The following MIB1 variants were observed in gnomAD, a reference collection of about 807,000 sequenced individuals.
MIB1 encodes MIB E3 ubiquitin protein ligase 1.
In MIB1, 278 loss-of-function variants were observed where a neutral mutation model predicts 124.5. That is an observed-to-expected ratio of 2.23 (90% CI 2.02 to 2.47). MIB1 has a LOEUF of 2.47. MIB1 is among the 30% of genes most tolerant of loss of function. The pLI, the probability that MIB1 is intolerant of heterozygous loss-of-function variation, is 0.00. For synonymous variants in MIB1, 446 were observed against 429.4 expected, an observed-to-expected ratio of 1.04 and a Z score of -0.48; for missense variants, 957 against 1,254.4, an observed-to-expected ratio of 0.76 and a Z score of 3.58.
chr18:21,780,369 A>G (rs770459822), intron 6 of MIB1, among the ~76,000 whole-genome samples: 2 of 152,036 alleles, frequency 1.3e-5, no homozygotes, highest in South Asian at 4.1e-4. Flanking sequence ...CGCATTTACC[A>G]TCTCACTCAT....
chr18:21,763,780 C>T (rs2041125803), intron 1 of MIB1, among the ~76,000 whole-genome samples: 1 of 152,130 alleles, frequency 6.6e-6, no homozygotes, highest in Admixed American at 6.5e-5. Flanking sequence ...AACCATTTCT[C>T]TCAATTTCTA....
chr18:21,713,520 G>A (rs2040674955), intron 1 of MIB1, among the ~76,000 whole-genome samples: 1 of 148,924 alleles, frequency 6.7e-6, no homozygotes, highest in Non-Finnish European at 1.5e-5. Flanking sequence ...GGATGAGGCA[G>A]GAGAATTGCT....
At chr18:21,848,696 C>T (rs1401107885) in intron 16 of MIB1, among the ~76,000 whole-genome samples, 1 of 151,980 alleles carries the variant, frequency 6.6e-6, no homozygotes, top group African/African-American at 2.4e-5. Flanking sequence ...TTTTATGTTC[C>T]TTAAGGATAC....
chr18:21,822,465 A>T (rs953580600), intron 12 of MIB1, among the ~76,000 whole-genome samples: 3 of 151,094 alleles, frequency 2.0e-5, no homozygotes, highest in East Asian at 1.9e-4. Context: ...GGTGACATTT[A>T]AAAAAAAATG....
Position 21,849,370 on chromosome 18 carries a change from G to A in MIB1, c.2568G>A (p.Gln856=), listed in dbSNP as rs1241924012. The part of the protein sequence containing the change: ...RVKKCLICKE[Q]VQSRTKIEEC... ...AGAAATGCCTCATCTGTAAAGAACAGGTTCAATCCAGGACAAAGGTAAGAT... is the reference window on the plus strand; with the variant it reads ...AGAAATGCCTCATCTGTAAAGAACAAGTTCAATCCAGGACAAAGGTAAGAT... Residue 856 remains glutamine, a synonymous_variant, in exon 17 of 21, where the codon CAG becomes CAA. Transcript: ENST00000261537. 6.2e-7 allele frequency: 1 copy of A among 1,605,694 alleles called. No individual in the cohort carries two copies. The highest frequency in any genetic ancestry group is 1.3e-5 in the African/African-American group (1 of 74,412).
rs184576998 is a variant in MIB1 at position 21,784,289 on chromosome 18, C to T, written c.908+4604C>T. 4.5e-3 allele frequency among the ~76,000 whole-genome samples: 569 copies of T among 125,456 alleles called. 3 individuals are homozygous for T. The highest frequency in any genetic ancestry group is 7.5e-3 in the Non-Finnish European group (428 of 56,824). 82.3% of individuals were successfully genotyped at this position (125,456 alleles called of 152,430 possible). On this transcript the variant is annotated intron_variant, in intron 6 of 20. Coordinates refer to ENST00000261537, the MANE Select transcript of MIB1 (RefSeq NM_020774.4). ...GTCTGGATCTCCTGACCTCGTAATC[C>T]GCCCTCCTCGGCCTCCCAAAGTGCT...
At chr18:21,734,917 A>G (rs893533255) in intron 1 of MIB1, among the ~76,000 whole-genome samples, 1 of 152,254 alleles carries the variant, frequency 6.6e-6, no homozygotes, top group African/African-American at 2.4e-5. Context: ...AATAGGAGTT[A>G]ATTTTGGTAC....
At chr18:21,836,327 G>A (rs1044837418) in intron 12 of MIB1, among the ~76,000 whole-genome samples, 1 of 148,412 alleles carries the variant, frequency 6.7e-6, no homozygotes, top group African/African-American at 2.5e-5. Context: ...GGGCTGGAGT[G>A]CAGTGGCTCG....
chr18:21,778,576 G>T (rs970992340), intron 5 of MIB1, among the ~76,000 whole-genome samples: 2 of 151,922 alleles, frequency 1.3e-5, no homozygotes, highest in Admixed American at 1.3e-4. Flanking sequence ...GATAATATAT[G>T]TAATTTCATG....
intron 6 of MIB1, among the ~76,000 whole-genome samples, chr18:21,787,468 C>T (rs767398504): frequency 2.6e-5 from 4 of 152,110 alleles, no homozygotes; most frequent in Non-Finnish European, 5.9e-5. Context: ...TGCAGGTACT[C>T]ATAAGGCTTC....
At chr18:21,800,058 G>A in intron 9 of MIB1, 84 bp downstream of exon 9, 1 of 1,083,916 alleles carries the variant, frequency 9.2e-7, no homozygotes, top group Non-Finnish European at 1.3e-6. Flanking sequence ...CTAAGATTTT[G>A]CCAGATGTGC....
intron 12 of MIB1, among the ~76,000 whole-genome samples, chr18:21,821,815 A>T (rs2041881631): frequency 6.6e-6 from 1 of 151,782 alleles, no homozygotes; most frequent in South Asian, 2.1e-4. Flanking sequence ...GTTAGCCAGG[A>T]TGGTCTCGAT....
At chr18:21,764,544 G>A (rs563524964) in intron 1 of MIB1, among the ~76,000 whole-genome samples, 1 of 152,106 alleles carries the variant, frequency 6.6e-6, no homozygotes, top group Admixed American at 6.5e-5. Context: ...TCCCCAAAGG[G>A]GACTGAGGTT....
chr18:21,722,998 C>T (rs2040722262), intron 1 of MIB1, among the ~76,000 whole-genome samples: 1 of 152,104 alleles, frequency 6.6e-6, no homozygotes, highest in South Asian at 2.1e-4. Flanking sequence ...TTAAGCTCTA[C>T]CTCCTGGAGG....
chr18:21,714,548 T>C (rs2040680029), intron 1 of MIB1, among the ~76,000 whole-genome samples: 1 of 152,214 alleles, frequency 6.6e-6, no homozygotes, highest in Admixed American at 6.5e-5. Context: ...TTAGTCTCAA[T>C]GTTGGCCTTT....
At chr18:21,805,456 T>A (rs548361199) in intron 10 of MIB1, among the ~76,000 whole-genome samples, 2 of 152,330 alleles carry the variant, frequency 1.3e-5, no homozygotes, top group South Asian at 4.1e-4. Context: ...GATTGTAAGT[T>A]TAGGAACCTA....
upstream of MIB1, among the ~76,000 whole-genome samples, chr18:21,735,914 A>G (rs1270296981): frequency 6.6e-6 from 1 of 152,222 alleles, no homozygotes; most frequent in Non-Finnish European, 1.5e-5. Flanking sequence ...TCCCTGGGAC[A>G]GAGTATCTGG....
chr18:21,747,962 T>C (rs2040929938), intron 1 of MIB1, among the ~76,000 whole-genome samples: 1 of 152,238 alleles, frequency 6.6e-6, no homozygotes, highest in South Asian at 2.1e-4. Context: ...AGCAGAACCA[T>C]GTCTCTGGAT....
At chr18:21,724,843 A>C (rs2040734069) in intron 1 of MIB1, among the ~76,000 whole-genome samples, 1 of 140,468 alleles carries the variant, frequency 7.1e-6, no homozygotes, top group Non-Finnish European at 1.5e-5. Context: ...CTGTAATCCC[A>C]ACACTTTGGG....
Sources: gnomAD v4.1 joint callset for allele counts (sites outside exome capture counted in the v4.1 genomes callset) on GRCh38, gnomAD v4.1.1 for gene constraint, MANE v1.5 for transcripts, NCBI Gene and HGNC (gene_info 2026-07-23, HGNC 2026-07-21) for gene names.